SEMA3A: variants seen among roughly 807,000 people sequenced by gnomAD.
SEMA3A encodes the protein semaphorin-3A.
A neutral mutation model predicts 97.9 loss-of-function variants in SEMA3A; 29 were observed. That is an observed-to-expected ratio of 0.30 (90% CI 0.22 to 0.40). The LOEUF is 0.40. SEMA3A is among the 10% of genes least tolerant of loss of function. The pLI is 1.00. For synonymous variants in SEMA3A, 321 were observed against 323.7 expected (o/e 0.99, Z 0.09); for missense variants, 763 against 951.3 (o/e 0.80, Z 2.60).
chr7:84,275,937 T>G (rs2115722394), intron 3 of SEMA3A, among the ~76,000 whole-genome samples: 1 of 152,228 alleles, frequency 6.6e-6, no homozygotes, highest in Non-Finnish European at 1.5e-5. Context: ...AAATTTAAAA[T>G]TATTTACATG....
chr7:84,433,774 C>T (rs1466424187), intron 1 of SEMA3A, among the ~76,000 whole-genome samples: 1 of 152,172 alleles, frequency 6.6e-6, no homozygotes, highest in African/African-American at 2.4e-5. Flanking sequence ...ACCATTCTAA[C>T]TGGCATGAGA....
At chr7:83,989,158 C>A (rs147602838) in intron 12 of SEMA3A, among the ~76,000 whole-genome samples, 3 of 151,910 alleles carry the variant, frequency 2.0e-5, no homozygotes, top group East Asian at 1.9e-4. Flanking sequence ...AGTTTACAAT[C>A]GAAATTCAAA....
chr7:84,386,606 C>T (rs926228499), intron 1 of SEMA3A, among the ~76,000 whole-genome samples: 1 of 152,104 alleles, frequency 6.6e-6, no homozygotes, highest in Non-Finnish European at 1.5e-5. Flanking sequence ...TATAATTTTG[C>T]CTAAATCTTT....
intron 3 of SEMA3A, among the ~76,000 whole-genome samples, chr7:84,116,080 T>TA (rs1407063773): frequency 6.6e-6 from 1 of 152,294 alleles, no homozygotes; most frequent in East Asian, 1.9e-4. Context: ...GCCCATATTT[T>TA]AGAGGAATGC....
chr7:84,061,475 A>G (rs748231673), intron 4 of SEMA3A, among the ~76,000 whole-genome samples: 10 of 152,164 alleles, frequency 6.6e-5, no homozygotes, highest in Non-Finnish European at 1.5e-4. Flanking sequence ...TTAAGAACCA[A>G]GTGCCCTGGG....
chr7:84,305,517 T>C (rs1801132923), intron 3 of SEMA3A, among the ~76,000 whole-genome samples: 1 of 152,070 alleles, frequency 6.6e-6, no homozygotes, highest in Admixed American at 6.6e-5. Flanking sequence ...ATGTGTATAT[T>C]GTCAATTGCA....
intron 4 of SEMA3A, among the ~76,000 whole-genome samples, chr7:84,086,499 ATAT>A (rs1482150300): frequency 7.5e-5 from 4 of 53,124 alleles, no homozygotes; most frequent in South Asian, 4.5e-4. Flanking sequence ...TACATATAAT[ATAT>A]TATTATATTA....
chr7:84,459,862 T>C (rs966308906), intron 1 of SEMA3A, among the ~76,000 whole-genome samples: 2 of 151,916 alleles, frequency 1.3e-5, no homozygotes, highest in Non-Finnish European at 2.9e-5. Flanking sequence ...ACCCTGTCAA[T>C]ACAAAAATAC....
chr7:84,469,677 G>A (rs1806097960), intron 1 of SEMA3A, among the ~76,000 whole-genome samples: 3 of 152,182 alleles, frequency 2.0e-5, no homozygotes, highest in South Asian at 4.1e-4. Flanking sequence ...TGCTTTTGAA[G>A]AAAGTAAAAT....
chr7:84,043,745 C>T (rs1353737966), intron 6 of SEMA3A, among the ~76,000 whole-genome samples: 1 of 152,022 alleles, frequency 6.6e-6, no homozygotes, highest in Non-Finnish European at 1.5e-5. Flanking sequence ...TTTTTGCACC[C>T]TGTCAGATGT....
At chr7:84,171,859 T>G (rs949081366) in intron 1 of SEMA3A, among the ~76,000 whole-genome samples, 1 of 152,294 alleles carries the variant, frequency 6.6e-6, no homozygotes, top group African/African-American at 2.4e-5. Context: ...ATAATTATTT[T>G]ATGTCTTTTG....
At chr7:84,105,292 T>C (rs1795075819) in intron 4 of SEMA3A, among the ~76,000 whole-genome samples, 1 of 152,186 alleles carries the variant, frequency 6.6e-6, no homozygotes, top group African/African-American at 2.4e-5. Flanking sequence ...AAGTATAAAT[T>C]AGTTGACAGA....
chr7:84,149,725 A>G (rs1014544822), intron 1 of SEMA3A, among the ~76,000 whole-genome samples: 1 of 152,222 alleles, frequency 6.6e-6, no homozygotes. Context: ...ACTACTAACA[A>G]TGTTAAAATT....
chr7:84,445,782 C>T (rs1311047293), intron 1 of SEMA3A, among the ~76,000 whole-genome samples: 1 of 150,916 alleles, frequency 6.6e-6, no homozygotes, highest in Non-Finnish European at 1.5e-5. Flanking sequence ...GATCTCAAAG[C>T]AACACCTAAA....
chr7:84,345,734 C>G (rs1802283779), intron 2 of SEMA3A, among the ~76,000 whole-genome samples: 1 of 152,160 alleles, frequency 6.6e-6, no homozygotes, highest in African/African-American at 2.4e-5. Flanking sequence ...TTCTACTTCT[C>G]TTGTTATTTG....
chr7:84,322,066 G>A (rs1448294737), intron 2 of SEMA3A, among the ~76,000 whole-genome samples: 1 of 151,432 alleles, frequency 6.6e-6, no homozygotes, highest in Non-Finnish European at 1.5e-5. Context: ...AATGCAAGTA[G>A]GGGAAATGTC....
At chr7:84,166,568 T>C (rs1797212696) in intron 1 of SEMA3A, among the ~76,000 whole-genome samples, 1 of 70,502 alleles carries the variant, frequency 1.4e-5, no homozygotes, top group Non-Finnish European at 2.6e-5. Flanking sequence ...CAAAACTCCG[T>C]CAAAAAAAAA....
At chr7:84,408,589 C>T (rs1458434036) in intron 1 of SEMA3A, among the ~76,000 whole-genome samples, 1 of 152,072 alleles carries the variant, frequency 6.6e-6, no homozygotes, top group Non-Finnish European at 1.5e-5. Context: ...AAGACACATG[C>T]ACACATATGT....
At position 84,160,262 on chromosome 7, in the gene SEMA3A, TATCTATCTATCTATC is replaced by T. The variant is rs1304378932; in HGVS notation, c.113-25326_113-25312del. ...CTATCTATCTATCTATCTATCTATCTATCTATCTATCTATCGTTAGTTCGTTCTAAACTATGACAA... is the reference window on the plus strand; with the variant it reads ...CTATCTATCTATCTATCTATCTATCTGTTAGTTCGTTCTAAACTATGACAA... On this transcript the variant is annotated intron_variant, in intron 1 of 16. Transcript: ENST00000265362. Among the ~76,000 whole-genome samples the T allele has an allele frequency of 2.7e-4, 31 of 114,906 alleles. No individual in the cohort carries two copies. In the East Asian group the frequency reaches 6.2e-3, roughly 23 times the overall value. The allele number at this position is 114,906 out of a possible 152,430, so 75.4% of individuals were successfully genotyped here.
Sources: gnomAD v4.1 joint callset for allele counts (sites outside exome capture counted in the v4.1 genomes callset) on GRCh38, gnomAD v4.1.1 for gene constraint, MANE v1.5 for transcripts, NCBI Gene and HGNC (gene_info 2026-07-23, HGNC 2026-07-21) for gene names.